DDX4: variants seen among roughly 807,000 people sequenced by gnomAD.
DDX4 encodes probable ATP-dependent RNA helicase DDX4.
In DDX4, 25 loss-of-function variants were observed where a neutral mutation model predicts 100.0. The observed-to-expected ratio is 0.25, with a 90% CI of 0.18 to 0.35. The LOEUF (loss-of-function observed/expected upper bound fraction) is 0.35. Among genes scored for constraint, DDX4 ranks in the 10% least tolerant of loss-of-function variants. The probability of loss-of-function intolerance (pLI) is 1.00; values close to 1 mark genes in which losing one functional copy is unlikely to be tolerated. For missense variants in DDX4, 635 were observed against 882.4 expected, an observed-to-expected ratio of 0.72 and a Z score of 3.55; for synonymous variants, 259 against 275.7, an observed-to-expected ratio of 0.94 and a Z score of 0.60.
intron 7 of DDX4, among the ~76,000 whole-genome samples, chr5:55,768,258 G>GT (rs1200387850): frequency 1.3e-5 from 2 of 152,134 alleles, no homozygotes; most frequent in Admixed American, 6.6e-5. Flanking sequence ...CTGATAGGTA[G>GT]TTTTTTGATC....
chr5:55,763,334 T>G (rs1016775372), intron 5 of DDX4, 82 bp downstream of exon 5: 16 of 881,490 alleles, frequency 1.8e-5, no homozygotes, highest in Admixed American at 3.5e-5. Context: ...TTGACAGACA[T>G]TCCATATTGA....
In DDX4 at chr5:55,760,190, T is replaced by A; in HGVS notation, c.128-10T>A. 1.9e-6 allele frequency: 3 copies of A among 1,569,616 alleles called. No homozygotes were observed. The highest frequency in any genetic ancestry group is 2.6e-6 in the Non-Finnish European group (3 of 1,162,594). On this transcript the variant is annotated splice_polypyrimidine_tract_variant and intron_variant, in intron 3 of 21. Coordinates refer to ENST00000505374, the MANE Select transcript of DDX4 (RefSeq NM_024415.3). Reference sequence around the variant, plus strand: ...TTATTTGACTTACTTCAAAATGTTGTTTGCTTTAGAAATGGATGATGGACC... The same window carrying A: ...TTATTTGACTTACTTCAAAATGTTGATTGCTTTAGAAATGGATGATGGACC...
At chr5:55,759,174 A>G (rs954373659) in intron 3 of DDX4, among the ~76,000 whole-genome samples, 27 of 151,274 alleles carry the variant, frequency 1.8e-4, no homozygotes, top group Non-Finnish European at 4.4e-5. Context: ...TATTTTATTA[A>G]TTTTCGTTCT....
chr5:55,783,244 C>T (rs1742029823), intron 10 of DDX4, among the ~76,000 whole-genome samples: 2 of 151,884 alleles, frequency 1.3e-5, no homozygotes, highest in South Asian at 4.2e-4. Flanking sequence ...TTTCCCCCAC[C>T]CCTGCTGATT....
rs1169977598 is a variant in DDX4, at chr5:55,767,881, A to G, written c.335A>G (p.Glu112Gly). Reference sequence around the variant, plus strand: ...TTTACATGTTAAATTTTTATTGAAGAGTCTAGTAATGACTGCGAAGATAAT... The same window carrying G: ...TTTACATGTTAAATTTTTATTGAAGGGTCTAGTAATGACTGCGAAGATAAT... ...EDGDSSGFWR[E>G]SSNDCEDNPT... The change falls in exon 7 of 22, where the codon GAG becomes GGG. Residue 112 changes from glutamate (E) to glycine (G), a missense_variant and splice_region_variant. Transcript: ENST00000505374. 4 of 1,607,510 alleles carry G rather than the reference A, an allele frequency of 2.5e-6. No homozygotes were observed. The South Asian group carries it at 3.4e-5, about 13-fold the overall frequency.
intron 3 of DDX4, 76 bp from the exon 4 acceptor site, chr5:55,760,124 G>A (rs1561486722): frequency 6.8e-7 from 1 of 1,477,836 alleles, no homozygotes; most frequent in South Asian, 1.4e-5. Context: ...GCCACATGTG[G>A]CACAGAAGGC....
chr5:55,798,683 C>G (rs1299841029), intron 18 of DDX4, 112 bp downstream of exon 18: 3 of 951,876 alleles, frequency 3.2e-6, no homozygotes, highest in Non-Finnish European at 4.4e-6. Context: ...TGTTTTAAGT[C>G]TCTCTCCCTC....
intron 8 of DDX4, 68 bp from the exon 9 acceptor site, chr5:55,780,998 C>T: frequency 2.2e-6 from 3 of 1,391,222 alleles, no homozygotes; most frequent in Non-Finnish European, 3.0e-6. Context: ...TGATTTTTTT[C>T]TGTTTACTGA....
At chr5:55,766,810 A>G (rs1740953029) in intron 6 of DDX4, 6 of 1,171,706 alleles carry the variant, frequency 5.1e-6, no homozygotes, top group African/African-American at 4.7e-5. Context: ...CCTTGAAACC[A>G]TCTTTGTATT....
chr5:55,788,210 C>T (rs1742354463), intron 15 of DDX4, among the ~76,000 whole-genome samples: 1 of 152,122 alleles, frequency 6.6e-6, no homozygotes, highest in Non-Finnish European at 1.5e-5. Context: ...CTTGGTGGCT[C>T]ATGACTATAA....
chr5:55,786,499 CT>C lies in DDX4; in HGVS notation c.865-11del, dbSNP rs763882678. ...TATGATATATAGAATGTAATCACTG[CT>C]TTTTTTTAAATTTTCAGACTTTTGA... On this transcript the variant is annotated intron_variant, in intron 13 of 21. Coordinates refer to ENST00000505374, the MANE Select transcript of DDX4 (RefSeq NM_024415.3). 1.1e-5 allele frequency: 18 copies of C among 1,591,648 alleles called. No individual in the cohort carries two copies. The highest frequency in any genetic ancestry group is 1.4e-5 in the Non-Finnish European group (16 of 1,162,126).
chr5:55,815,482 C>G, intron 21 of DDX4, 59 bp downstream of exon 21: 1 of 1,555,726 alleles, frequency 6.4e-7, no homozygotes, highest in Non-Finnish European at 8.6e-7. Context: ...AAATGTTGTG[C>G]TTAATATTGT....
At chr5:55,807,573 C>T (rs1580607280) in intron 18 of DDX4, among the ~76,000 whole-genome samples, 1 of 152,260 alleles carries the variant, frequency 6.6e-6, no homozygotes, top group East Asian at 1.9e-4. Flanking sequence ...ATTTCTCCTT[C>T]ACTTTTGAAG....
intron 18 of DDX4, among the ~76,000 whole-genome samples, chr5:55,806,430 T>G (rs1743726218): frequency 6.6e-6 from 1 of 152,260 alleles, no homozygotes; most frequent in Non-Finnish European, 1.5e-5. Flanking sequence ...GTGTCAGTTT[T>G]AGATCTTTCC....
At chr5:55,752,841 A>G (rs1023000442) in intron 3 of DDX4, among the ~76,000 whole-genome samples, 2 of 147,620 alleles carry the variant, frequency 1.4e-5, no homozygotes, top group African/African-American at 2.5e-5. Flanking sequence ...CCTCTCCAGC[A>G]CCTGTTGTTT....
chr5:55,758,289 A>G (rs67884916), intron 3 of DDX4, among the ~76,000 whole-genome samples: 7,484 of 152,232 alleles, frequency 0.049, 214 homozygotes, highest in African/African-American at 0.079. Context: ...TAGTCATAAT[A>G]TATTTTATCC....
intron 7 of DDX4, among the ~76,000 whole-genome samples, chr5:55,772,858 C>CT (rs561150893): frequency 1.2e-3 from 189 of 152,108 alleles, no homozygotes; most frequent in Middle Eastern, 3.4e-3. Context: ...CCAAATAAAC[C>CT]TTTTTTTTCA....
At position 55,787,910 on chromosome 5, in the gene DDX4, A is replaced by C. The variant is rs748704368; in HGVS notation, c.1082A>C (p.Lys361Thr). Reference sequence around the variant, plus strand: ...GATGGAATAACTGCCAGTCGTTTTAAAGAGTTGCAGGAACCAGAGTGTATT... The same window carrying C: ...GATGGAATAACTGCCAGTCGTTTTACAGAGTTGCAGGAACCAGAGTGTATT... ...MHDGITASRF[K>T]ELQEPECIIV... The change falls in exon 15 of 22, where the codon AAA becomes ACA. Residue 361 changes from lysine (K) to threonine (T), a missense_variant. Lys to Thr is a moderately conservative substitution (Grantham distance 78). Coordinates refer to ENST00000505374, the MANE Select transcript of DDX4 (RefSeq NM_024415.3). 14 of 1,613,898 alleles carry C rather than the reference A, an allele frequency of 8.7e-6. No individual in the cohort carries two copies. Among genetic ancestry groups the C allele is most frequent in the Non-Finnish European group, 1.2e-5 (14 of 1,179,980 alleles).
At chr5:55,766,642 T>TG (rs1200921369) in intron 6 of DDX4, among the ~76,000 whole-genome samples, 1 of 152,186 alleles carries the variant, frequency 6.6e-6, no homozygotes, top group East Asian at 1.9e-4. Flanking sequence ...ACAAGAGCTT[T>TG]GGGTCACTGT....
Sources: allele counts gnomAD v4.1 joint callset (sites outside exome capture counted in the v4.1 genomes callset), GRCh38; gene constraint gnomAD v4.1.1; transcripts MANE v1.5; gene names NCBI Gene and HGNC (gene_info 2026-07-23, HGNC 2026-07-21).